Variants in ERCC2 observed in about 807,000 individuals in gnomAD.
The protein encoded by ERCC2 is general transcription and DNA repair factor IIH helicase subunit XPD.
A neutral mutation model predicts 99.4 loss-of-function variants in ERCC2; 90 were observed. That is an observed-to-expected ratio of 0.91 (90% CI 0.76 to 1.08). The LOEUF is 1.08. ERCC2 is among the 50% of genes least tolerant of loss of function. The probability of loss-of-function intolerance (pLI) is 0.00; values close to 1 mark genes in which losing one functional copy is unlikely to be tolerated. For missense variants in ERCC2, 993 were observed against 1,038.1 expected (o/e 0.96, Z 0.60); for synonymous variants, 497 against 432.4 (o/e 1.15, Z -1.85).
chr19:45,368,989 A>AG lies in ERCC2; in HGVS notation c.186_187insC (p.Tyr63LeufsTer19). ...ATGAGTTTGGTCACCTCCAGCGGAT[A>AG]TGCCTGCCGATAACAAGCGGACTCA... is the stretch of plus-strand genomic sequence containing the variant. On this transcript the variant is annotated frameshift_variant, in exon 4 of 23. Coordinates refer to ENST00000391945, the MANE Select transcript of ERCC2 (RefSeq NM_000400.4). LOFTEE classifies it high-confidence loss of function. The AG allele has an allele frequency of 1.2e-6, 2 of 1,614,202 alleles. No homozygotes were observed. The highest frequency in any genetic ancestry group is 1.7e-6 in the Non-Finnish European group (2 of 1,180,024).
chr19:45,364,000 T>C lies in ERCC2; in HGVS notation c.935A>G (p.Asp312Gly). The C allele has an allele frequency of 6.5e-7, 1 of 1,544,282 alleles. No individual in the cohort carries two copies. Among genetic ancestry groups the C allele is most frequent in the Non-Finnish European group, 8.7e-7 (1 of 1,147,362 alleles). ...TCGGGGCTCACCCTGCAGCACTTCG[T>C]CGGGCAGCACGGGGTTGGCCAGGTG... ...DAHLANPVLP[D>G]EVLQEAVPGS... Residue 312 changes from aspartate (D) to glycine (G), a missense_variant, in exon 10 of 23, where the codon GAC (aspartate) becomes GGC (glycine). By Grantham distance (94) the Asp-to-Gly change is moderately conservative. Transcript: ENST00000391945.
At chr19:45,359,251 G>C (rs1406394072) in intron 12 of ERCC2, among the ~76,000 whole-genome samples, 1 of 152,206 alleles carries the variant, frequency 6.6e-6, no homozygotes, top group Non-Finnish European at 1.5e-5. Context: ...TGATCCAGGT[G>C]AAAGACCATG....
rs1486564629 is a variant in ERCC2 at position 45,352,791 on chromosome 19, G to A, written c.1857C>T (p.Ile619=). 2 of 1,608,084 alleles carry A rather than the reference G, an allele frequency of 1.2e-6. No homozygotes were observed. The highest frequency in any genetic ancestry group is 1.7e-6 in the Non-Finnish European group (2 of 1,177,632). Residue 619 remains isoleucine (I), a synonymous_variant, in exon 20 of 23, where the codon ATC becomes ATT. Transcript: ENST00000391945. ...DFVHHYGRAV[I]MFGVPYVYTQ... ...TGTAGACGTAGGGGACGCCAAACAT[G>A]ATGACGGCCCGCCCGTAGTGGTGCA... is the stretch of plus-strand genomic sequence containing the variant.
In ERCC2 at chr19:45,353,068, G is replaced by C. The variant is rs760695479; in HGVS notation, c.1831+15C>G. The C allele has an allele frequency of 6.2e-5, 100 of 1,610,032 alleles. No individual in the cohort carries two copies. The highest frequency in any genetic ancestry group is 8.0e-5 in the Non-Finnish European group (94 of 1,178,006). On this transcript the variant is annotated intron_variant, in intron 19 of 22. Transcript: ENST00000391945. Reference sequence around the variant, plus strand: ...CTGGGAAGACACCTGGGGAGGAAGAGCCCAGTCCACTCACCAAAGTCGATT... The same window carrying C: ...CTGGGAAGACACCTGGGGAGGAAGACCCCAGTCCACTCACCAAAGTCGATT...
In ERCC2 at chr19:45,364,875, C is replaced by A. The variant is rs772245022; in HGVS notation, c.557G>T (p.Arg186Leu). Residue 186 changes from arginine (R) to leucine (L), a missense_variant, in exon 7 of 23, where the codon CGC (arginine) becomes CTC (leucine). Physicochemically the swap from Arg to Leu is moderately radical, Grantham distance 102. This residue lies in a region of ERCC2 where 909 missense variants were observed against 930.8 expected (regional missense o/e 0.98). Transcript: ENST00000391945. The stretch of plus-strand genomic sequence containing the variant: ...AAGGAAGTATGGGCACCAGCCCTGG[C>A]GCCGCCCCAGGGCCTTCAGGTCATC... ...NLDDLKALGRRQGWCPYFLAR... is the reference protein window; with the variant it reads ...NLDDLKALGRLQGWCPYFLAR... 1.2e-6 allele frequency: 2 copies of A among 1,613,472 alleles called. No individual in the cohort carries two copies. Among genetic ancestry groups the A allele is most frequent in the South Asian group, 1.1e-5 (1 of 91,048 alleles).
rs1971749901 is a variant in ERCC2, at chr19:45,351,189, T to A, written c.*440A>T. On this transcript the variant is annotated 3_prime_UTR_variant, in exon 23 of 23. Transcript: ENST00000391945. ...TTTACTTGGGGTAGAGGCGAGGGGG[T>A]TGGATAGTTGGCTGCCAGGCTGGAC... 1.6e-5 allele frequency: 25 copies of A among 1,583,272 alleles called. No homozygotes were observed.
In ERCC2 at chr19:45,368,640, A is replaced by G; in HGVS notation, c.350T>C (p.Ile117Thr). 1.2e-6 allele frequency: 2 copies of G among 1,610,310 alleles called. No individual in the cohort carries two copies. The highest frequency in any genetic ancestry group is 1.7e-6 in the Non-Finnish European group (2 of 1,176,510). ...GGAACAGGTGCTCACCTCAGGGTGA[A>G]TACACAAGTTTTTGCGGGAGCTCAG... is the stretch of plus-strand genomic sequence containing the variant. ...LALSSRKNLC[I>T]HPEVTPLRFG... Residue 117 changes from isoleucine to threonine, a missense_variant, in exon 5 of 23, where the codon ATT becomes ACT. By Grantham distance (89) the Ile-to-Thr change is moderately conservative (BLOSUM62 -1). Transcript: ENST00000391945.
chr19:45,352,761 CTG>C lies in ERCC2; in HGVS notation c.1885_1886del (p.Gln629GlufsTer19). ...IMFGVPYVYT[Q>X]SRILKARLEY... is the part of the protein sequence containing the mutation. ...AGCTACTCACCTTGAGAATGCGGCT[CTG>C]TGTGTAGACGTAGGGGACGCCAAAC... On this transcript the variant is annotated frameshift_variant, in exon 20 of 23. Coordinates refer to ENST00000391945, the MANE Select transcript of ERCC2 (RefSeq NM_000400.4). LOFTEE classifies it high-confidence loss of function. 1.2e-6 allele frequency: 2 copies of C among 1,613,932 alleles called. No homozygotes were observed. The highest frequency in any genetic ancestry group is 2.2e-5 in the East Asian group (1 of 44,872).
rs757054276 is a variant in ERCC2, at chr19:45,361,711, G to A, written c.1119-69C>T. 67 of 1,148,874 alleles carry A rather than the reference G, an allele frequency of 5.8e-5. No homozygotes were observed. In the East Asian group the frequency reaches 6.8e-4, roughly 12 times the overall value. 71.2% of individuals were successfully genotyped at this position (1,148,874 alleles called of 1,614,324 possible). ...GAGCAGGACCAGCAGCCCTGCCTCC[G>A]CCATCACGACGGTCACGTGCCTGTC... On this transcript the variant is annotated intron_variant, in intron 11 of 22. Coordinates refer to ENST00000391945, the MANE Select transcript of ERCC2 (RefSeq NM_000400.4).
chr19:45,359,278 G>A (rs147394407), intron 12 of ERCC2, among the ~76,000 whole-genome samples: 39 of 152,284 alleles, frequency 2.6e-4, no homozygotes, highest in South Asian at 1.0e-3. Context: ...TGGCAGATGG[G>A]AAATAGTGGG....
chr19:45,359,409 T>C lies in ERCC2; in HGVS notation c.1238-1710A>G, dbSNP rs1972130493. On this transcript the variant is annotated intron_variant, in intron 12 of 22. Transcript: ENST00000391945. ...AAGGGCCCAGATCTCCATCCTCCTG[T>C]CAGGCCCTGCCGCAGGACATGAGGC... 2.6e-5 allele frequency among the ~76,000 whole-genome samples: 4 copies of C among 152,164 alleles called. No homozygotes were observed. In the South Asian group the frequency reaches 8.3e-4, roughly 31 times the overall value.
chr19:45,358,389 C>T (rs3916846), intron 12 of ERCC2: 19 of 193,904 alleles, frequency 9.8e-5, no homozygotes, highest in East Asian at 4.0e-4. Flanking sequence ...ACCTGCAATT[C>T]GCCCACTGCC....
At chr19:45,351,805 GA>G in intron 22 of ERCC2, 84 bp from the exon 23 acceptor site, 1 of 1,158,496 alleles carries the variant, frequency 8.6e-7, no homozygotes, top group Non-Finnish European at 1.3e-6. Flanking sequence ...CCACCCCCCC[GA>G]ATGGCCAGTA....
chr19:45,354,937 A>T, intron 16 of ERCC2, 86 bp from the exon 17 acceptor site: 1 of 1,568,038 alleles, frequency 6.4e-7, no homozygotes, highest in South Asian at 1.1e-5. Flanking sequence ...TGGAAACCCC[A>T]CTGAGGCTGC....
intron 16 of ERCC2, among the ~76,000 whole-genome samples, chr19:45,355,222 C>G (rs112890280): frequency 6.6e-6 from 1 of 152,134 alleles, no homozygotes; most frequent in African/African-American, 2.4e-5. Context: ...CCCAGCGTGG[C>G]GGCAGAGGCC....
intron 12 of ERCC2, 97 bp from the exon 13 acceptor site, chr19:45,357,796 A>G: frequency 3.6e-6 from 4 of 1,096,458 alleles, no homozygotes; most frequent in South Asian, 2.6e-5. Flanking sequence ...CTTCACCCCA[A>G]TCTCCACCCC....
Position 45,350,938 on chromosome 19 carries a change from G to A in ERCC2, c.*691C>T, listed in dbSNP as rs368232994. ...TCCTGGATTCACTCATTTCCTCCCT[G>A]CTGCCCTCTTTGCAGAATGAAGAGA... On this transcript the variant is annotated 3_prime_UTR_variant, in exon 23 of 23. Coordinates refer to ENST00000391945, the MANE Select transcript of ERCC2 (RefSeq NM_000400.4). 3.3e-5 allele frequency: 54 copies of A among 1,613,404 alleles called. No individual in the cohort carries two copies. The African/African-American group carries it at 6.8e-4, about 20-fold the overall frequency.
At chr19:45,354,990 G>T (rs980807081) in intron 16 of ERCC2, 139 bp from the exon 17 acceptor site, 22 of 1,095,228 alleles carry the variant, frequency 2.0e-5, no homozygotes, top group African/African-American at 4.7e-5. Flanking sequence ...CTCCTCCCGG[G>T]CGTGTCTGAG....
At chr19:45,354,477 G>A (rs1237397734) in intron 17 of ERCC2, among the ~76,000 whole-genome samples, 2 of 152,202 alleles carry the variant, frequency 1.3e-5, no homozygotes, top group Non-Finnish European at 1.5e-5. Context: ...GAACGTGGGG[G>A]TGACTCTGCC....
Sources: gnomAD v4.1 joint callset for allele counts (sites outside exome capture counted in the v4.1 genomes callset) on GRCh38, gnomAD v4.1.1 for gene constraint, gnomAD v4.1.1 regional missense constraint, MANE v1.5 for transcripts, NCBI Gene and HGNC (gene_info 2026-07-23, HGNC 2026-07-21) for gene names.